DLG2: variants seen among roughly 807,000 people sequenced by gnomAD.
The protein encoded by DLG2 is discs large MAGUK scaffold protein 2.
In DLG2, 45 loss-of-function variants were observed where a neutral mutation model predicts 132.5. That is an observed-to-expected ratio of 0.34 (90% confidence interval 0.27 to 0.44). The LOEUF is 0.44. Ranked by LOEUF, DLG2 falls within the 20% of genes least tolerant of loss-of-function variation. The pLI is 1.00. For missense variants in DLG2, 1,045 were observed against 1,196.9 expected, an observed-to-expected ratio of 0.87 and a Z score of 1.87; for synonymous variants, 424 against 419.6, an observed-to-expected ratio of 1.01 and a Z score of -0.13.
chr11:83,584,093 T>G (rs1409591368), intron 19 of DLG2, among the ~76,000 whole-genome samples: 1 of 152,250 alleles, frequency 6.6e-6, no homozygotes, highest in African/African-American at 2.4e-5. Flanking sequence ...GATACTTATA[T>G]GTGCTTCTGA....
intron 18 of DLG2, among the ~76,000 whole-genome samples, chr11:83,715,365 G>C (rs950263430): frequency 6.6e-6 from 1 of 151,994 alleles, no homozygotes; most frequent in Non-Finnish European, 1.5e-5. Flanking sequence ...TTTATCAACA[G>C]AATCTAAAAG....
At chr11:84,680,398 C>G (rs562355828) in intron 6 of DLG2, among the ~76,000 whole-genome samples, 1 of 152,226 alleles carries the variant, frequency 6.6e-6, no homozygotes, top group South Asian at 2.1e-4. Flanking sequence ...ATTATTGCCC[C>G]TTGGACTAAC....
chr11:83,982,888 C>T (rs1453284539), intron 11 of DLG2, among the ~76,000 whole-genome samples: 1 of 152,088 alleles, frequency 6.6e-6, no homozygotes, highest in East Asian at 1.9e-4. Context: ...AAATAGTTAT[C>T]GTTGTTTTGC....
intron 7 of DLG2, among the ~76,000 whole-genome samples, chr11:84,437,149 T>G (rs2099003252): frequency 6.6e-6 from 1 of 152,200 alleles, no homozygotes; most frequent in Non-Finnish European, 1.5e-5. Context: ...ACTGTATCAG[T>G]TGATGATTTC....
intron 11 of DLG2, among the ~76,000 whole-genome samples, chr11:84,043,781 C>A (rs1028191318): frequency 6.6e-6 from 1 of 151,534 alleles, no homozygotes; most frequent in African/African-American, 2.4e-5. Flanking sequence ...TCTATTTTTT[C>A]TTCCTATTTG....
chr11:85,563,100 T>C (rs1316997352), intron 3 of DLG2, among the ~76,000 whole-genome samples: 1 of 151,770 alleles, frequency 6.6e-6, no homozygotes, highest in Non-Finnish European at 1.5e-5. Context: ...AGGACAGACA[T>C]AGAGTCAGAT....
At chr11:83,959,724 C>G (rs927873948) in intron 14 of DLG2, among the ~76,000 whole-genome samples, 1 of 151,966 alleles carries the variant, frequency 6.6e-6, no homozygotes, top group African/African-American at 2.4e-5. Context: ...GCACTACCAA[C>G]CAGGGATGCA....
At chr11:84,028,020 T>C (rs2154085332) in intron 11 of DLG2, among the ~76,000 whole-genome samples, 1 of 151,942 alleles carries the variant, frequency 6.6e-6, no homozygotes, top group Non-Finnish European at 1.5e-5. Context: ...AACCAATGTA[T>C]TTTCTTATTA....
At chr11:85,136,431 G>A (rs1422536279) in intron 5 of DLG2, among the ~76,000 whole-genome samples, 2 of 152,100 alleles carry the variant, frequency 1.3e-5, no homozygotes, top group Non-Finnish European at 2.9e-5. Context: ...TTTGCCTCAA[G>A]GGAAACATTA....
intron 3 of DLG2, among the ~76,000 whole-genome samples, chr11:85,376,436 T>TC: frequency 6.6e-6 from 1 of 152,332 alleles, no homozygotes; most frequent in Middle Eastern, 3.4e-3. Flanking sequence ...TTACAACTGG[T>TC]AAATGTCAAG....
At chr11:84,510,890 G>A (rs775402764) in intron 7 of DLG2, among the ~76,000 whole-genome samples, 8 of 151,950 alleles carry the variant, frequency 5.3e-5, no homozygotes, top group Non-Finnish European at 1.2e-4. Flanking sequence ...AATGAAGGGA[G>A]AAGGGAGAAG....
intron 3 of DLG2, among the ~76,000 whole-genome samples, chr11:85,352,814 T>C (rs1451129776): frequency 6.6e-6 from 1 of 152,214 alleles, no homozygotes; most frequent in Non-Finnish European, 1.5e-5. Flanking sequence ...ATCCCTTCCT[T>C]ACACCTTGTA....
chr11:83,644,502 C>A (rs1362578368), intron 18 of DLG2, among the ~76,000 whole-genome samples: 2 of 152,082 alleles, frequency 1.3e-5, no homozygotes, highest in Admixed American at 1.3e-4. Context: ...TAGCTAGATT[C>A]TCCCTCAATC....
chr11:83,570,649 T>C (rs1190579164), intron 19 of DLG2, among the ~76,000 whole-genome samples: 1 of 152,022 alleles, frequency 6.6e-6, no homozygotes, highest in Non-Finnish European at 1.5e-5. Flanking sequence ...GGAAGAGTCA[T>C]CCAAAGAACT....
intron 6 of DLG2, among the ~76,000 whole-genome samples, chr11:84,925,183 G>A (rs1276680884): frequency 6.6e-6 from 1 of 152,090 alleles, no homozygotes; most frequent in Non-Finnish European, 1.5e-5. Context: ...TATTTTAGTA[G>A]TTGCCGGGAT....
chr11:84,542,420 C>A (rs926316559), intron 6 of DLG2, among the ~76,000 whole-genome samples: 1 of 152,076 alleles, frequency 6.6e-6, no homozygotes, highest in African/African-American at 2.4e-5. Context: ...ACTGACAAAC[C>A]ATGTTCTCTG....
At chr11:84,265,580 T>C (rs749182940) in intron 7 of DLG2, among the ~76,000 whole-genome samples, 1 of 152,170 alleles carries the variant, frequency 6.6e-6, no homozygotes, top group Non-Finnish European at 1.5e-5. Flanking sequence ...TTCATATAAC[T>C]ACTATGAAGA....
intron 8 of DLG2, among the ~76,000 whole-genome samples, chr11:84,229,486 G>C (rs534771096): frequency 6.6e-6 from 1 of 152,308 alleles, no homozygotes; most frequent in South Asian, 2.1e-4. Context: ...TTGATGTAGC[G>C]TTGTGATATA....
At chr11:83,994,703 C>T (rs1367592399) in intron 11 of DLG2, among the ~76,000 whole-genome samples, 1 of 152,122 alleles carries the variant, frequency 6.6e-6, no homozygotes, top group East Asian at 1.9e-4. Flanking sequence ...ATCTTAGTTT[C>T]CTAGGGCTGC....
Sources: gnomAD v4.1 joint callset for allele counts (sites outside exome capture counted in the v4.1 genomes callset) on GRCh38, gnomAD v4.1.1 for gene constraint, MANE v1.5 for transcripts, NCBI Gene and HGNC (gene_info 2026-07-23, HGNC 2026-07-21) for gene names.